DLG1: variants seen among roughly 807,000 people sequenced by gnomAD.
DLG1 encodes the protein discs large MAGUK scaffold protein 1, also known as disks large homolog 1.
A neutral mutation model predicts 123.4 loss-of-function variants in DLG1; 42 were observed. That is an observed-to-expected ratio of 0.34 (90% CI 0.27 to 0.44). DLG1 has a LOEUF of 0.44. Ranked by LOEUF, DLG1 falls within the 20% of genes least tolerant of loss-of-function variation. The pLI is 1.00. For synonymous variants in DLG1, 317 were observed against 356.2 expected (o/e 0.89, Z 1.24); for missense variants, 942 against 1,082.6 (o/e 0.87, Z 1.82).
At chr3:197,286,425 A>C (rs1042925264) in intron 3 of DLG1, among the ~76,000 whole-genome samples, 1 of 152,162 alleles carries the variant, frequency 6.6e-6, no homozygotes, top group South Asian at 2.1e-4. Context: ...GGAGTGCACA[A>C]TCTAGATCCC....
At chr3:197,110,748 T>TA (rs1237596517) in intron 13 of DLG1, among the ~76,000 whole-genome samples, 1 of 152,174 alleles carries the variant, frequency 6.6e-6, no homozygotes, top group Non-Finnish European at 1.5e-5. Flanking sequence ...CTGGTTAGCT[T>TA]AGTGGTTAAT....
chr3:197,075,474 C>T (rs952164885), intron 18 of DLG1, among the ~76,000 whole-genome samples: 12 of 151,380 alleles, frequency 7.9e-5, no homozygotes, highest in African/African-American at 2.9e-4. Context: ...AAAAGGGGAA[C>T]ATAAAACTCC....
intron 23 of DLG1, among the ~76,000 whole-genome samples, chr3:197,055,003 T>C (rs188288085): frequency 6.6e-6 from 1 of 152,154 alleles, no homozygotes; most frequent in East Asian, 1.9e-4. Context: ...TTAGTAGAGA[T>C]GGGGTTTTGC....
chr3:197,256,848 A>G (rs1414088208), intron 4 of DLG1, among the ~76,000 whole-genome samples: 3 of 152,166 alleles, frequency 2.0e-5, no homozygotes, highest in African/African-American at 7.2e-5. Flanking sequence ...TAAAAGCCAA[A>G]ATGGTAATGA....
chr3:197,060,894 C>T (rs1326414420), intron 22 of DLG1, among the ~76,000 whole-genome samples: 1 of 152,178 alleles, frequency 6.6e-6, no homozygotes, highest in Non-Finnish European at 1.5e-5. Context: ...GGCATGATCT[C>T]GGCTTACTGC....
At chr3:197,133,688 A>T (rs1783756011) in intron 10 of DLG1, among the ~76,000 whole-genome samples, 1 of 152,210 alleles carries the variant, frequency 6.6e-6, no homozygotes, top group Admixed American at 6.5e-5. Flanking sequence ...AAAAGGAGAA[A>T]ATGGACAAGG....
chr3:197,251,006 T>G (rs1210314414), intron 4 of DLG1, among the ~76,000 whole-genome samples: 1 of 130,318 alleles, frequency 7.7e-6, no homozygotes, highest in African/African-American at 2.8e-5. Context: ...AAAAAGGAAA[T>G]TGAATAGGAC....
chr3:197,196,606 C>A (rs997968979), intron 4 of DLG1, among the ~76,000 whole-genome samples: 8 of 152,166 alleles, frequency 5.3e-5, no homozygotes, highest in Non-Finnish European at 8.8e-5. Context: ...AGGATATTCA[C>A]TACAGTTTGG....
At chr3:197,136,815 CTAGTA>C (rs1238349954) in intron 9 of DLG1, 137 bp from the exon 10 acceptor site, 36 of 699,660 alleles carry the variant, frequency 5.1e-5, no homozygotes, top group Non-Finnish European at 8.1e-5. Flanking sequence ...TAGTTATCTA[CTAGTA>C]TATGTTCTGC....
intron 5 of DLG1, among the ~76,000 whole-genome samples, chr3:197,180,133 AT>A (rs1284719212): frequency 6.6e-6 from 1 of 151,038 alleles, no homozygotes. Flanking sequence ...GTAGTCCAAA[AT>A]GTATGAATAG....
chr3:197,262,648 GACT>G (rs1396803177), intron 4 of DLG1, among the ~76,000 whole-genome samples: 3 of 152,136 alleles, frequency 2.0e-5, no homozygotes, highest in Admixed American at 6.5e-5. Flanking sequence ...ATACTTCAGA[GACT>G]ACTACTATCT....
At chr3:197,052,900 C>A (rs1405359890) in intron 23 of DLG1, among the ~76,000 whole-genome samples, 1 of 152,118 alleles carries the variant, frequency 6.6e-6, no homozygotes, top group Non-Finnish European at 1.5e-5. Flanking sequence ...TTCCAACAAA[C>A]TGAAGAAACA....
chr3:197,053,928 T>TA (rs35279966), intron 23 of DLG1, among the ~76,000 whole-genome samples: 3 of 151,870 alleles, frequency 2.0e-5, no homozygotes, highest in African/African-American at 7.3e-5. Flanking sequence ...CCTGTCTCTC[T>TA]AAAAAATACA....
At position 197,298,593 on chromosome 3, in the gene DLG1, C is replaced by G. The variant is rs1778590047; in HGVS notation, c.-89G>C. On this transcript the variant is annotated 5_prime_UTR_variant, in exon 1 of 25. Coordinates refer to ENST00000667157, the MANE Select transcript of DLG1 (RefSeq NM_001366207.1). ...GTTTCCAACTCCGCGGCAGAGACAGCGCCTGGCGACCCCGGGGGTAGATCC... is the reference window on the plus strand; with the variant it reads ...GTTTCCAACTCCGCGGCAGAGACAGGGCCTGGCGACCCCGGGGGTAGATCC... 2.5e-6 allele frequency: 1 copy of G among 398,118 alleles called. No individual in the cohort carries two copies. The highest frequency in any genetic ancestry group is 4.4e-6 in the Non-Finnish European group (1 of 225,934). The allele number at this position is 398,118 out of a possible 1,614,324, so 24.7% of individuals were successfully genotyped here.
chr3:197,176,404 G>A (rs897467431), intron 5 of DLG1, among the ~76,000 whole-genome samples: 6 of 151,994 alleles, frequency 3.9e-5, no homozygotes, highest in South Asian at 4.1e-4. Context: ...TGACGTTTCC[G>A]CCATTATAGT....
At position 197,206,593 on chromosome 3, in the gene DLG1, T is replaced by G. The variant is rs1410477848; in HGVS notation, c.319-12004A>C. The stretch of plus-strand genomic sequence containing the variant: ...TAGGATTACAGGCATGAGCCTTGAT[T>G]TATAGTATCTTTCTATTCACCAAAA... On this transcript the variant is annotated intron_variant, in intron 4 of 24. Coordinates refer to ENST00000667157, the MANE Select transcript of DLG1 (RefSeq NM_001366207.1). 3.3e-5 allele frequency among the ~76,000 whole-genome samples: 5 copies of G among 152,170 alleles called. No individual in the cohort carries two copies. In the East Asian group the frequency reaches 7.7e-4, roughly 23 times the overall value.
chr3:197,130,563 T>C lies in DLG1; in HGVS notation c.1129A>G (p.Met377Val), dbSNP rs781424060. Residue 377 changes from methionine to valine, a missense_variant, in exon 11 of 25, where the codon ATG becomes GTG. Transcript: ENST00000667157. Reference sequence around the variant, plus strand: ...TCAGGTGGTGCATAGCCATCATTCATATACATACTTGTGGGTTTTGCCACT... The same window carrying C: ...TCAGGTGGTGCATAGCCATCATTCACATACATACTTGTGGGTTTTGCCACT... ...LKVAKPTSMY[M>V]NDGYAPPDIT... 16 of 1,612,868 alleles carry C rather than the reference T, an allele frequency of 9.9e-6. No homozygotes were observed. The highest frequency in any genetic ancestry group is 1.7e-4 in the Middle Eastern group (1 of 6,046).
intron 5 of DLG1, among the ~76,000 whole-genome samples, chr3:197,170,942 T>A (rs1170313664): frequency 6.6e-6 from 1 of 152,190 alleles, no homozygotes; most frequent in Non-Finnish European, 1.5e-5. Context: ...GAAAATGAGA[T>A]ATATGAATTA....
chr3:197,131,045 T>C (rs1046346520), intron 10 of DLG1, among the ~76,000 whole-genome samples: 17 of 152,204 alleles, frequency 1.1e-4, no homozygotes, highest in Non-Finnish European at 1.6e-4. Context: ...TAAGGTACCT[T>C]AGAGACTGTT....
Sources: gnomAD v4.1 joint callset for allele counts (sites outside exome capture counted in the v4.1 genomes callset) on GRCh38, gnomAD v4.1.1 for gene constraint, MANE v1.5 for transcripts, NCBI Gene and HGNC (gene_info 2026-07-23, HGNC 2026-07-21) for gene names.